The following IL27RA variants were observed in gnomAD, a reference collection of about 807,000 sequenced individuals.
The protein encoded by IL27RA is interleukin-27 receptor subunit alpha.
Under a neutral mutation model 80.8 loss-of-function variants are expected in IL27RA, and 61 were observed. The observed-to-expected ratio is 0.76, with a 90% confidence interval of 0.61 to 0.93. The LOEUF (loss-of-function observed/expected upper bound fraction) is 0.93, where lower values mean the gene tolerates loss of function less well. Among genes scored for constraint, IL27RA ranks in the 40% least tolerant of loss-of-function variants. The probability of loss-of-function intolerance (pLI) is 0.00; values close to 1 mark genes in which losing one functional copy is unlikely to be tolerated. For synonymous variants in IL27RA, 316 were observed against 332.5 expected (o/e 0.95, Z 0.54); for missense variants, 735 against 808.1 (o/e 0.91, Z 1.10).
chr19:14,042,217 T>G (rs568731639), intron 4 of IL27RA, among the ~76,000 whole-genome samples: 2 of 135,514 alleles, frequency 1.5e-5, no homozygotes, highest in East Asian at 4.3e-4. Context: ...AAAAAAAAAA[T>G]TAACCAGGTG....
Position 14,052,493 on chromosome 19 carries a change from C to T in IL27RA, c.*203C>T, listed in dbSNP as rs542972590. The T allele has an allele frequency of 7.6e-5, 34 of 445,266 alleles. No homozygotes were observed. Among genetic ancestry groups the T allele is most frequent in the African/African-American group, 2.4e-4 (12 of 49,168 alleles). The allele number at this position is 445,266 out of a possible 1,614,324, so 27.6% of individuals were successfully genotyped here. A position where few individuals can be genotyped will look rare whatever the true frequency, so the allele number is the denominator to read the frequency against. ...GGGCTTGGCCCCCATGGGGAAGACA[C>T]GGATGGAAGGTGGAGCAAAGGAAAA... On this transcript the variant is annotated 3_prime_UTR_variant, in exon 14 of 14. Transcript: ENST00000263379.
At chr19:14,044,650 G>A (rs991890870) in intron 6 of IL27RA, among the ~76,000 whole-genome samples, 3 of 151,980 alleles carry the variant, frequency 2.0e-5, no homozygotes, top group Non-Finnish European at 2.9e-5. Context: ...AGCAGGGTAG[G>A]GTCACACAGG....
rs748361884 is a variant in IL27RA at position 14,031,854 on chromosome 19, G to C, written c.-19G>C. The C allele has an allele frequency of 7.6e-6, 12 of 1,577,428 alleles. No homozygotes were observed. Among genetic ancestry groups the C allele is most frequent in the Non-Finnish European group, 1.0e-5 (12 of 1,162,962 alleles). ...GACCCGGCAAGGCTGGGCCGGACTC[G>C]GGGCTCCCGAGGGACGCCATGCGGG... On this transcript the variant is annotated 5_prime_UTR_variant, in exon 1 of 14. Transcript: ENST00000263379.
Position 14,052,596 on chromosome 19 carries a change from T to G in IL27RA, c.*306T>G. On this transcript the variant is annotated 3_prime_UTR_variant, in exon 14 of 14. Transcript: ENST00000263379. The stretch of plus-strand genomic sequence containing the variant: ...GAACTGAATTTGGACCCCAGCACAG[T>G]GGCTCACGCCTGTAATCCCAGCACT... The G allele has an allele frequency of 3.5e-6, 1 of 287,514 alleles. No individual in the cohort carries two copies. The highest frequency in any genetic ancestry group is 9.7e-4 in the Middle Eastern group (1 of 1,036). 17.8% of individuals were successfully genotyped at this position (287,514 alleles called of 1,614,324 possible). A position where few individuals can be genotyped will look rare whatever the true frequency, so the allele number is the denominator to read the frequency against.
rs773222470 is a variant in IL27RA, at chr19:14,041,042, T to TA, written c.534+1133dup. Among the ~76,000 whole-genome samples the TA allele has an allele frequency of 2.6e-4, 40 of 151,896 alleles. No homozygotes were observed. The East Asian group carries it at 5.3e-3, about 20-fold the overall frequency. The stretch of plus-strand genomic sequence containing the variant: ...CCTCAGCCTCCCGAGTAGCTGGGAT[T>TA]ACAGGCATGTGCCATCATGCCCGGC... On this transcript the variant is annotated intron_variant, in intron 4 of 13. Coordinates refer to ENST00000263379, the MANE Select transcript of IL27RA (RefSeq NM_004843.4).
Position 14,031,862 on chromosome 19 carries a change from C to A in IL27RA, c.-11C>A, listed in dbSNP as rs1170106468. 3 of 1,585,786 alleles carry A rather than the reference C, an allele frequency of 1.9e-6. No individual in the cohort carries two copies. In the East Asian group the frequency reaches 6.9e-5, roughly 37 times the overall value. ...AAGGCTGGGCCGGACTCGGGGCTCC[C>A]GAGGGACGCCATGCGGGGAGGCAGG... On this transcript the variant is annotated 5_prime_UTR_variant, in exon 1 of 14. Transcript: ENST00000263379.
At chr19:14,047,210 A>AT (rs564818958) in intron 8 of IL27RA, among the ~76,000 whole-genome samples, 36,994 of 130,662 alleles carry the variant, frequency 0.28, 5,704 homozygotes, top group African/African-American at 0.43. Context: ...CAATCGGTTA[A>AT]TTTTTTTTTT....
At chr19:14,032,822 AAAAAGAAAAGAAAAG>A in intron 2 of IL27RA, among the ~76,000 whole-genome samples, 1 of 116,208 alleles carries the variant, frequency 8.6e-6, no homozygotes, top group East Asian at 3.4e-4. Flanking sequence ...AAAAAAAAAA[AAAAAGAAAAGAAAAG>A]AAAAGAAAGT....
Position 14,042,562 on chromosome 19 carries a change from A to G in IL27RA, c.644A>G (p.Asp215Gly). The change falls in exon 5 of 14, where the codon GAT becomes GGT. Residue 215 changes from aspartate to glycine, a missense_variant. Coordinates refer to ENST00000263379, the MANE Select transcript of IL27RA (RefSeq NM_004843.4). Reference protein sequence around the residue: ...YGRCRMEKEEDLWGEWSPILS... With the variant: ...YGRCRMEKEEGLWGEWSPILS... ...CGCTGCCGGATGGAGAAAGAAGAGG[A>G]TTTGTGGGGCGAGTGGAGCCCCATT... 6.2e-7 allele frequency: 1 copy of G among 1,614,022 alleles called. No homozygotes were observed. The highest frequency in any genetic ancestry group is 8.5e-7 in the Non-Finnish European group (1 of 1,180,006).
At position 14,049,075 on chromosome 19, in the gene IL27RA, G is replaced by T; in HGVS notation, c.1236G>T (p.Glu412Asp). ...CATCCTCCGTCTGGGGGTTCAGGGA[G>T]GAATTAGGTAAGAGTGGGGCTGGAG... ...ASASSVWGFR[E>D]ELAPLVGPTL... Residue 412 changes from glutamate to aspartate, a missense_variant, in exon 9 of 14, where the codon GAG (glutamate) becomes GAT (aspartate). By Grantham distance (45) the Glu-to-Asp change is conservative. Coordinates refer to ENST00000263379, the MANE Select transcript of IL27RA (RefSeq NM_004843.4). 1 of 1,613,490 alleles carries T rather than the reference G, an allele frequency of 6.2e-7. No homozygotes were observed. The highest frequency in any genetic ancestry group is 8.5e-7 in the Non-Finnish European group (1 of 1,179,742).
Position 14,031,858 on chromosome 19 carries a change from C to T in IL27RA, c.-15C>T, listed in dbSNP as rs1462817997. 2 of 1,580,886 alleles carry T rather than the reference C, an allele frequency of 1.3e-6. No individual in the cohort carries two copies. On this transcript the variant is annotated 5_prime_UTR_variant, in exon 1 of 14. Coordinates refer to ENST00000263379, the MANE Select transcript of IL27RA (RefSeq NM_004843.4). ...CGGCAAGGCTGGGCCGGACTCGGGG[C>T]TCCCGAGGGACGCCATGCGGGGAGG...
chr19:14,048,932 A>C (rs369643783), intron 8 of IL27RA, 49 bp from the exon 9 acceptor site: 1 of 1,503,512 alleles, frequency 6.7e-7, no homozygotes, highest in Admixed American at 1.7e-5. Flanking sequence ...GGAAATGAGC[A>C]TGGGAAGGAG....
intron 2 of IL27RA, among the ~76,000 whole-genome samples, chr19:14,038,302 C>A (rs2145688000): frequency 6.6e-6 from 1 of 152,184 alleles, no homozygotes; most frequent in South Asian, 2.1e-4. Flanking sequence ...GCCACTACCC[C>A]TGGCTAATTT....
chr19:14,046,654 T>C lies in IL27RA; in HGVS notation c.1141+36T>C, dbSNP rs1206478613. On this transcript the variant is annotated intron_variant, in intron 8 of 13. Transcript: ENST00000263379. ...GGGACACCTGGGTCTCCATCCCCGC[T>C]GTTAGAGCAGACGGATGGGTGGACT... is the stretch of plus-strand genomic sequence containing the variant. The C allele has an allele frequency of 4.6e-6, 7 of 1,537,946 alleles. No individual in the cohort carries two copies. In the Admixed American group the frequency reaches 1.3e-4, roughly 29 times the overall value.
intron 1 of IL27RA, 99 bp downstream of exon 1, chr19:14,032,071 G>A: frequency 9.3e-7 from 1 of 1,074,586 alleles, no homozygotes; most frequent in South Asian, 1.4e-5. Flanking sequence ...AGAGCGAACG[G>A]TAGAGGTGCA....
chr19:14,044,134 A>G (rs1216323250), intron 6 of IL27RA, among the ~76,000 whole-genome samples: 1 of 151,850 alleles, frequency 6.6e-6, no homozygotes, highest in Admixed American at 6.6e-5. Flanking sequence ...AGCACCTGCT[A>G]TGTGCCAGGT....
intron 8 of IL27RA, 66 bp downstream of exon 8, chr19:14,046,684 A>G (rs1327748596): frequency 5.6e-6 from 8 of 1,425,556 alleles, no homozygotes. Context: ...TGGACTTGTA[A>G]GAGGGAGTGC....
Position 14,051,872 on chromosome 19 carries a change from C to T in IL27RA, c.1623-8C>T, listed in dbSNP as rs1976171914. On this transcript the variant is annotated splice_polypyrimidine_tract_variant and splice_region_variant and intron_variant, in intron 12 of 13. Transcript: ENST00000263379. ...GATCTGCTGCCCTGACTACTCCTGT[C>T]TTGCCAGGTGCTACCACCTAAGGCA... 2 of 1,573,994 alleles carry T rather than the reference C, an allele frequency of 1.3e-6. No individual in the cohort carries two copies. The highest frequency in any genetic ancestry group is 1.7e-6 in the Non-Finnish European group (2 of 1,157,908).
intron 2 of IL27RA, among the ~76,000 whole-genome samples, chr19:14,036,167 A>T (rs1451107167): frequency 1.3e-5 from 2 of 151,754 alleles, no homozygotes; most frequent in Admixed American, 6.6e-5. Flanking sequence ...TAAATAAATA[A>T]TTTTTTTGGT....
Sources: gnomAD v4.1 joint callset for allele counts (sites outside exome capture counted in the v4.1 genomes callset) on GRCh38, gnomAD v4.1.1 for gene constraint, MANE v1.5 for transcripts, NCBI Gene and HGNC (gene_info 2026-07-23, HGNC 2026-07-21) for gene names.